ARHGAP29: variants seen among roughly 807,000 people sequenced by gnomAD.
The protein encoded by ARHGAP29 is rho GTPase-activating protein 29.
A neutral mutation model predicts 122.6 loss-of-function variants in ARHGAP29; 43 were observed. That is an observed-to-expected ratio of 0.35 (90% CI 0.27 to 0.45). The LOEUF is 0.45. Among genes scored for constraint, ARHGAP29 ranks in the 20% least tolerant of loss-of-function variants. The probability of loss-of-function intolerance (pLI) is 1.00; values close to 1 mark genes in which losing one functional copy is unlikely to be tolerated. For synonymous variants in ARHGAP29, 506 were observed against 497.1 expected, an observed-to-expected ratio of 1.02 and a Z score of -0.24; for missense variants, 1,303 against 1,477.2, an observed-to-expected ratio of 0.88 and a Z score of 1.93.
Position 94,184,992 on chromosome 1 carries a change from T to C in ARHGAP29, c.1989A>G (p.Pro663=). ...CTGCTCCAAATAAGTGTATTTTTCCTGGAAGTTTCTGATGACCACAAATAA... is the reference window on the plus strand; with the variant it reads ...CTGCTCCAAATAAGTGTATTTTTCCCGGAAGTTTCTGATGACCACAAATAA... ...LVIICGHQKL[P]GKIHLFGAEF... is the part of the protein sequence containing the mutation. The change falls in exon 18 of 23, where the codon CCA becomes CCG. Residue 663 remains proline (P), a synonymous_variant. Transcript: ENST00000260526. 6.2e-7 allele frequency: 1 copy of C among 1,613,520 alleles called. No individual in the cohort carries two copies. The highest frequency in any genetic ancestry group is 8.5e-7 in the Non-Finnish European group (1 of 1,179,810).
chr1:94,295,502 AGAAATG>A, the ARHGAP29 span, among the ~76,000 whole-genome samples: 23 of 152,332 alleles, frequency 1.5e-4, no homozygotes, highest in African/African-American at 5.5e-4. Context: ...TTAAGATTTC[AGAAATG>A]GAGCGATTCT....
At chr1:94,275,076 G>A (rs1418334280), upstream of ARHGAP29, 1 of 152,150 alleles carries the variant, frequency 6.6e-6, no homozygotes. Context: ...TCTGAAATCT[G>A]GCTGTCTATG....
At chr1:94,269,170 C>T (rs1654897014) in intron 1 of ARHGAP29, among the ~76,000 whole-genome samples, 2 of 152,070 alleles carry the variant, frequency 1.3e-5, no homozygotes, top group Non-Finnish European at 2.9e-5. Flanking sequence ...TTGTTAGTTG[C>T]TGCTTAGCCC....
At chr1:94,293,327 C>A in the ARHGAP29 span, among the ~76,000 whole-genome samples, 11 of 152,334 alleles carry the variant, frequency 7.2e-5, no homozygotes, top group African/African-American at 2.2e-4. Context: ...GTTGCAAAGA[C>A]CATGGGAAAA....
At chr1:94,252,085 A>G (rs1434834157) in intron 1 of ARHGAP29, among the ~76,000 whole-genome samples, 1 of 152,234 alleles carries the variant, frequency 6.6e-6, no homozygotes, top group Non-Finnish European at 1.5e-5. Context: ...TCTTTTGAAA[A>G]GATTAATTTG....
chr1:94,184,100 A>G (rs1268715436), intron 19 of ARHGAP29, 51 bp downstream of exon 19: 2 of 1,568,872 alleles, frequency 1.3e-6, no homozygotes, highest in Non-Finnish European at 1.7e-6. Flanking sequence ...TACAAATCAT[A>G]TTTTTGCTGT....
intron 1 of ARHGAP29, among the ~76,000 whole-genome samples, chr1:94,273,856 G>T (rs1655085799): frequency 6.6e-6 from 1 of 151,420 alleles, no homozygotes; most frequent in Non-Finnish European, 1.5e-5. Context: ...GAATGCTCTG[G>T]CTTTATTTTG....
rs917032934 is a variant in ARHGAP29 at position 94,178,280 on chromosome 1, G to A, written c.2481-113C>T. 4.2e-5 allele frequency: 41 copies of A among 964,774 alleles called. No individual in the cohort carries two copies. The African/African-American group carries it at 6.8e-4, about 16-fold the overall frequency. The allele number at this position is 964,774 out of a possible 1,614,324, so 59.8% of individuals were successfully genotyped here. A position where few individuals can be genotyped will look rare whatever the true frequency, so the allele number is the denominator to read the frequency against. Reference sequence around the variant, plus strand: ...GAAAATGAGCTGCACAAAAATACTAGGGGGAAAAAGTCTAGGAAAAGGTTA... The same window carrying A: ...GAAAATGAGCTGCACAAAAATACTAAGGGGAAAAAGTCTAGGAAAAGGTTA... On this transcript the variant is annotated intron_variant, in intron 20 of 22. Transcript: ENST00000260526.
At chr1:94,253,012 C>T (rs954189839) in intron 1 of ARHGAP29, among the ~76,000 whole-genome samples, 1 of 152,048 alleles carries the variant, frequency 6.6e-6, no homozygotes, top group African/African-American at 2.4e-5. Flanking sequence ...AGTCTGTTGC[C>T]CAGGCTGGAG....
chr1:94,253,573 A>G (rs1654200496), intron 1 of ARHGAP29, among the ~76,000 whole-genome samples: 1 of 152,186 alleles, frequency 6.6e-6, no homozygotes, highest in Admixed American at 6.5e-5. Context: ...GGCTTAACAT[A>G]CAACCAGTGA....
the ARHGAP29 span, among the ~76,000 whole-genome samples, chr1:94,288,657 C>G: frequency 6.6e-6 from 1 of 152,210 alleles, no homozygotes; most frequent in East Asian, 1.9e-4. Flanking sequence ...TTTAATCCAT[C>G]TTGAGTTAAT....
rs1253490973 is a variant in ARHGAP29, at chr1:94,201,811, T to C, written c.1190A>G (p.Glu397Gly). Residue 397 changes from glutamate (E) to glycine (G), a missense_variant, in exon 12 of 23, where the codon GAA becomes GGA. Physicochemically the swap from Glu to Gly is moderately conservative, Grantham distance 98. Coordinates refer to ENST00000260526, the MANE Select transcript of ARHGAP29 (RefSeq NM_004815.4). ...ATTTTCTAGATCATTTCTTCTTTCTTCAACATTTGTCACACAAACTTTGTA... is the reference window on the plus strand; with the variant it reads ...ATTTTCTAGATCATTTCTTCTTTCTCCAACATTTGTCACACAAACTTTGTA... ...ELYKVCVTNV[E>G]ERRNDLENTK... is the part of the protein sequence containing the mutation. 1.2e-6 allele frequency: 2 copies of C among 1,613,286 alleles called. No individual in the cohort carries two copies. Among genetic ancestry groups the C allele is most frequent in the South Asian group, 2.2e-5 (2 of 90,878 alleles).
chr1:94,276,218 TCTCCA>T (rs1440028538), upstream of ARHGAP29, among the ~76,000 whole-genome samples: 1 of 150,940 alleles, frequency 6.6e-6, no homozygotes, highest in Non-Finnish European at 1.5e-5. Flanking sequence ...AGATCACACC[TCTCCA>T]CTCCAACCTG....
intron 1 of ARHGAP29, among the ~76,000 whole-genome samples, chr1:94,233,948 T>C: frequency 6.6e-6 from 1 of 152,212 alleles, no homozygotes. Context: ...CCTGTCTATA[T>C]GTAATTCTAT....
intron 12 of ARHGAP29, chr1:94,194,827 T>A (rs1288101262): frequency 6.6e-6 from 1 of 152,228 alleles, no homozygotes; most frequent in African/African-American, 2.4e-5. Flanking sequence ...TGCTAAATGA[T>A]CTCAAAAACC....
intron 3 of ARHGAP29, among the ~76,000 whole-genome samples, chr1:94,215,355 C>T (rs1238045414): frequency 2.0e-5 from 3 of 149,908 alleles, no homozygotes; most frequent in Non-Finnish European, 4.4e-5. Context: ...TTTTTTAGAA[C>T]CAAACAGCCA....
At chr1:94,296,325 C>G in the ARHGAP29 span, among the ~76,000 whole-genome samples, 1 of 152,236 alleles carries the variant, frequency 6.6e-6, no homozygotes. Context: ...TGCTTGTGTT[C>G]AAGTCACTCT....
Position 94,179,967 on chromosome 1 carries a change from T to C in ARHGAP29, c.2248-10A>G. 6.4e-7 allele frequency: 1 copy of C among 1,558,534 alleles called. No individual in the cohort carries two copies. The highest frequency in any genetic ancestry group is 2.2e-5 in the East Asian group (1 of 44,492). On this transcript the variant is annotated splice_polypyrimidine_tract_variant and intron_variant, in intron 19 of 22. Coordinates refer to ENST00000260526, the MANE Select transcript of ARHGAP29 (RefSeq NM_004815.4). The stretch of plus-strand genomic sequence containing the variant: ...TAAATGGTTCTGGGAGCTAAAGAAA[T>C]AAAATTACATTGGGGTAAGCATTCT...
intron 19 of ARHGAP29, among the ~76,000 whole-genome samples, chr1:94,181,744 A>AAACAAC (rs375216269): frequency 6.6e-6 from 1 of 152,096 alleles, no homozygotes; most frequent in African/African-American, 2.4e-5. Context: ...AATGAGTAGA[A>AAACAAC]AACAACAACA....
Sources: gnomAD v4.1 joint callset for allele counts (sites outside exome capture counted in the v4.1 genomes callset) on GRCh38, gnomAD v4.1.1 for gene constraint, MANE v1.5 for transcripts, NCBI Gene and HGNC (gene_info 2026-07-23, HGNC 2026-07-21) for gene names.